Variants in COX7B2 observed in about 807,000 individuals in gnomAD.
COX7B2 encodes the protein cytochrome c oxidase subunit 7B2, mitochondrial.
For missense variants in COX7B2, 109 were observed against 95.9 expected (o/e 1.14, Z -0.57); for synonymous variants, 37 against 32.1 (o/e 1.15, Z -0.51).
intron 2 of COX7B2, among the ~76,000 whole-genome samples, chr4:46,803,661 C>T (rs986019913): frequency 4.0e-5 from 6 of 151,092 alleles, no homozygotes; most frequent in Admixed American, 1.3e-4. Context: ...GACATTTTCT[C>T]TTCATGTTTC....
intron 2 of COX7B2, among the ~76,000 whole-genome samples, chr4:46,741,330 G>A (rs1714692878): frequency 6.6e-6 from 1 of 152,024 alleles, no homozygotes; most frequent in African/African-American, 2.4e-5. Context: ...GAGGGGAAAA[G>A]TAATCCTGTG....
At chr4:46,803,035 A>G (rs372438316) in intron 2 of COX7B2, among the ~76,000 whole-genome samples, 108 of 152,058 alleles carry the variant, frequency 7.1e-4, no homozygotes, top group Non-Finnish European at 1.3e-3. Context: ...GATTCCATAA[A>G]CCTCCTTAGC....
chr4:46,892,376 TCTTTA>T (rs1289042914), intron 1 of COX7B2, among the ~76,000 whole-genome samples: 2 of 152,224 alleles, frequency 1.3e-5, no homozygotes, highest in African/African-American at 4.8e-5. Flanking sequence ...CTGTCATGTA[TCTTTA>T]CTTCTATTAT....
intron 1 of COX7B2, among the ~76,000 whole-genome samples, chr4:46,905,820 T>C (rs866158931): frequency 4.7e-5 from 5 of 106,824 alleles, no homozygotes; most frequent in African/African-American, 2.0e-4. Flanking sequence ...ATTTCTTTTT[T>C]TTTTTTTTTT....
intron 2 of COX7B2, among the ~76,000 whole-genome samples, chr4:46,744,141 CTTCTTG>C: frequency 6.6e-6 from 1 of 151,994 alleles, no homozygotes; most frequent in East Asian, 1.9e-4. Context: ...AAAATTGACC[CTTCTTG>C]TTTTAAAGCT....
At chr4:46,893,732 A>C (rs947699581) in intron 1 of COX7B2, among the ~76,000 whole-genome samples, 1 of 152,202 alleles carries the variant, frequency 6.6e-6, no homozygotes, top group African/African-American at 2.4e-5. Flanking sequence ...AAAAAGCACC[A>C]ATCTTTCTTC....
intron 1 of COX7B2, among the ~76,000 whole-genome samples, chr4:46,900,107 A>T (rs938922208): frequency 2.6e-5 from 4 of 152,180 alleles, no homozygotes; most frequent in African/African-American, 7.2e-5. Flanking sequence ...CCAAAATTAA[A>T]CTTAGCTCTC....
chr4:46,893,960 A>G (rs1156995125), intron 1 of COX7B2, among the ~76,000 whole-genome samples: 4 of 152,182 alleles, frequency 2.6e-5, no homozygotes, highest in Admixed American at 2.6e-4. Context: ...CTAACCAGGA[A>G]GGTGAATGAT....
chr4:46,876,923 A>T (rs562923535), intron 1 of COX7B2, among the ~76,000 whole-genome samples: 1 of 152,348 alleles, frequency 6.6e-6, no homozygotes, highest in African/African-American at 2.4e-5. Context: ...CTACTTTTGT[A>T]TATAAAAATT....
chr4:46,837,576 G>T (rs1004982035), intron 2 of COX7B2, among the ~76,000 whole-genome samples: 2 of 151,992 alleles, frequency 1.3e-5, no homozygotes, highest in African/African-American at 2.4e-5. Context: ...ATTAAAAAAT[G>T]TTGGAAATGG....
intron 2 of COX7B2, among the ~76,000 whole-genome samples, chr4:46,743,481 A>G (rs187379411): frequency 3.9e-5 from 6 of 152,372 alleles, no homozygotes; most frequent in Admixed American, 6.5e-5. Context: ...TGAAATACAT[A>G]GTCTCTTAGC....
chr4:46,751,697 G>A (rs1715390708), intron 2 of COX7B2, among the ~76,000 whole-genome samples: 1 of 151,990 alleles, frequency 6.6e-6, no homozygotes, highest in East Asian at 1.9e-4. Flanking sequence ...TATTAGGTGG[G>A]CAGAAAATAC....
chr4:46,752,726 G>A (rs1318957276), intron 2 of COX7B2, among the ~76,000 whole-genome samples: 2 of 152,118 alleles, frequency 1.3e-5, no homozygotes, highest in East Asian at 1.9e-4. Context: ...TACAATTATT[G>A]ATTTGCATAT....
At chr4:46,871,711 C>T (rs1718002461) in intron 1 of COX7B2, among the ~76,000 whole-genome samples, 1 of 150,276 alleles carries the variant, frequency 6.7e-6, no homozygotes, top group Admixed American at 6.6e-5. Context: ...ATACATGTGG[C>T]CAAACAACCA....
intron 2 of COX7B2, among the ~76,000 whole-genome samples, chr4:46,832,887 C>T (rs768721833): frequency 5.3e-5 from 8 of 151,980 alleles, no homozygotes; most frequent in Non-Finnish European, 1.2e-4. Flanking sequence ...TCATGTACAG[C>T]CTGCTGAACT....
intron 1 of COX7B2, among the ~76,000 whole-genome samples, chr4:46,898,310 T>G (rs1467363379): frequency 6.6e-6 from 1 of 152,212 alleles, no homozygotes; most frequent in Non-Finnish European, 1.5e-5. Context: ...TCTTCTGAAT[T>G]CTCTTCTCCA....
At chr4:46,807,002 G>T (rs73245865) in intron 2 of COX7B2, among the ~76,000 whole-genome samples, 1 of 152,036 alleles carries the variant, frequency 6.6e-6, no homozygotes, top group Non-Finnish European at 1.5e-5. Context: ...GTCTTTTTGA[G>T]GTGGTGATTT....
At chr4:46,805,527 C>T (rs1265955888) in intron 2 of COX7B2, among the ~76,000 whole-genome samples, 1 of 152,170 alleles carries the variant, frequency 6.6e-6, no homozygotes, top group Non-Finnish European at 1.5e-5. Flanking sequence ...ATTCCCTTTT[C>T]ACAGATGGTA....
chr4:46,787,144 G>C (rs1458969600), intron 2 of COX7B2, among the ~76,000 whole-genome samples: 1 of 152,170 alleles, frequency 6.6e-6, no homozygotes, highest in African/African-American at 2.4e-5. Flanking sequence ...AAGCCTAATT[G>C]AGTGGATTTA....
Sources: gnomAD v4.1 joint callset for allele counts (sites outside exome capture counted in the v4.1 genomes callset) on GRCh38, gnomAD v4.1.1 for gene constraint, MANE v1.5 for transcripts, NCBI Gene and HGNC (gene_info 2026-07-23, HGNC 2026-07-21) for gene names.